TMEM132C: variants seen among roughly 807,000 people sequenced by gnomAD.
TMEM132C encodes transmembrane protein 132C, also known as protein phosphatase 1, regulatory subunit 152.
In TMEM132C, 29 loss-of-function variants were observed where a neutral mutation model predicts 61.4. That is an observed-to-expected ratio of 0.47 (90% CI 0.35 to 0.64). TMEM132C has a LOEUF of 0.64. Among genes scored for constraint, TMEM132C ranks in the 30% least tolerant of loss-of-function variants. The pLI, the probability that TMEM132C is intolerant of heterozygous loss-of-function variation, is 0.00. For missense variants in TMEM132C, 1,408 were observed against 1,476.9 expected (o/e 0.95, Z 0.76); for synonymous variants, 656 against 633.1 (o/e 1.04, Z -0.54).
chr12:128,677,568 A>G (rs1373337952), intron 5 of TMEM132C, among the ~76,000 whole-genome samples: 1 of 151,946 alleles, frequency 6.6e-6, no homozygotes, highest in South Asian at 2.1e-4. Context: ...ACCTGGCTGT[A>G]CCTCCTATTT....
At chr12:128,543,875 T>C in intron 2 of TMEM132C, 82 bp from the exon 3 acceptor site, 24 of 1,478,750 alleles carry the variant, frequency 1.6e-5, no homozygotes, top group Non-Finnish European at 2.2e-5. Flanking sequence ...AAACTAAAGG[T>C]GACAACTCTG....
Position 128,594,021 on chromosome 12 carries a change from C to T in TMEM132C, c.1122-22131C>T, listed in dbSNP as rs1426917019. Among the ~76,000 whole-genome samples the T allele has an allele frequency of 3.4e-5, 5 of 148,168 alleles. 1 individual carries two copies. The highest frequency in any genetic ancestry group is 1.0e-4 in the African/African-American group (4 of 39,900). On this transcript the variant is annotated intron_variant, in intron 3 of 8. Transcript: ENST00000435159. ...CCCAACATAAGACCTGCTCTCAATG[C>T]CGGCCCACCCACCGCCCCTCCCCCA...
chr12:128,479,987 G>T (rs1221374369), intron 2 of TMEM132C, among the ~76,000 whole-genome samples: 1 of 152,190 alleles, frequency 6.6e-6, no homozygotes, highest in Non-Finnish European at 1.5e-5. Flanking sequence ...CCCAGGCATG[G>T]TGGCTCATGC....
At chr12:128,510,401 G>T (rs982823476) in intron 2 of TMEM132C, among the ~76,000 whole-genome samples, 1 of 152,148 alleles carries the variant, frequency 6.6e-6, no homozygotes, top group Non-Finnish European at 1.5e-5. Flanking sequence ...TGCCAAGAGG[G>T]CAGATTTTCT....
intron 1 of TMEM132C, among the ~76,000 whole-genome samples, chr12:128,373,335 A>C (rs1874086274): frequency 1.3e-5 from 2 of 152,142 alleles, no homozygotes; most frequent in African/African-American, 2.4e-5. Flanking sequence ...ATATCCCCCT[A>C]ATTGTAATTG....
intron 2 of TMEM132C, among the ~76,000 whole-genome samples, chr12:128,536,591 C>T (rs1350235751): frequency 6.6e-6 from 1 of 152,018 alleles, no homozygotes; most frequent in Non-Finnish European, 1.5e-5. Context: ...GGGTTGGACT[C>T]CTAAGTTTGG....
At chr12:128,578,860 A>G (rs1036605817) in intron 3 of TMEM132C, among the ~76,000 whole-genome samples, 7 of 152,088 alleles carry the variant, frequency 4.6e-5, no homozygotes, top group African/African-American at 1.7e-4. Context: ...TTCCTCCCAA[A>G]GTGCTGGGAT....
At chr12:128,353,315 T>A (rs117785573) in intron 1 of TMEM132C, among the ~76,000 whole-genome samples, 1,563 of 152,278 alleles carry the variant, frequency 0.01, 15 homozygotes, top group Middle Eastern at 0.017. Context: ...AGACCAGAGA[T>A]GTGGTCGTGG....
intron 2 of TMEM132C, among the ~76,000 whole-genome samples, chr12:128,434,026 G>A (rs1001271774): frequency 6.6e-6 from 1 of 152,206 alleles, no homozygotes; most frequent in African/African-American, 2.4e-5. Context: ...TAGCAACACG[G>A]GCAGCAAGCC....
chr12:128,663,271 C>T (rs1954411915), intron 4 of TMEM132C, among the ~76,000 whole-genome samples: 1 of 152,216 alleles, frequency 6.6e-6, no homozygotes, highest in South Asian at 2.1e-4. Context: ...CAGCGCCTGA[C>T]CACCACTAAT....
intron 4 of TMEM132C, among the ~76,000 whole-genome samples, chr12:128,625,620 A>C (rs1954007988): frequency 6.6e-6 from 1 of 152,158 alleles, no homozygotes; most frequent in South Asian, 2.1e-4. Flanking sequence ...AAACCAACAG[A>C]TCTCCTGAGA....
intron 2 of TMEM132C, among the ~76,000 whole-genome samples, chr12:128,455,485 G>T (rs898984324): frequency 2.6e-5 from 4 of 152,192 alleles, no homozygotes; most frequent in African/African-American, 9.7e-5. Context: ...GCAGGATGGG[G>T]CTGAGCAGCC....
chr12:128,402,069 G>A (rs955832180), intron 1 of TMEM132C, among the ~76,000 whole-genome samples: 38 of 152,290 alleles, frequency 2.5e-4, no homozygotes, highest in African/African-American at 8.7e-4. Flanking sequence ...AGGGAGACAG[G>A]AAGTCAGGGG....
At chr12:128,601,286 C>T (rs1565987411) in intron 3 of TMEM132C, among the ~76,000 whole-genome samples, 2 of 152,178 alleles carry the variant, frequency 1.3e-5, no homozygotes, top group Non-Finnish European at 2.9e-5. Flanking sequence ...ACCAACCTGA[C>T]TTGTGGAAGG....
chr12:128,378,330 A>G (rs1251267034), intron 1 of TMEM132C, among the ~76,000 whole-genome samples: 5 of 151,924 alleles, frequency 3.3e-5, no homozygotes, highest in African/African-American at 1.2e-4. Context: ...GTTAGCCAGG[A>G]TGGTCTCGAT....
intron 8 of TMEM132C, among the ~76,000 whole-genome samples, chr12:128,698,021 C>T (rs536485535): frequency 1.2e-4 from 19 of 152,160 alleles, no homozygotes; most frequent in Admixed American, 5.9e-4. Context: ...GGTCTGAATC[C>T]GCCCCATTTC....
intron 1 of TMEM132C, among the ~76,000 whole-genome samples, chr12:128,378,604 G>A (rs576835453): frequency 4.6e-5 from 7 of 152,256 alleles, no homozygotes; most frequent in South Asian, 2.1e-4. Context: ...TTCTCCGCAC[G>A]TGAGCCTTGC....
At chr12:128,396,546 A>C (rs1431563316) in intron 1 of TMEM132C, among the ~76,000 whole-genome samples, 2 of 152,158 alleles carry the variant, frequency 1.3e-5, no homozygotes, top group Non-Finnish European at 2.9e-5. Flanking sequence ...CATTCTGCAC[A>C]TGTATCTCAG....
At chr12:128,456,456 G>C (rs1411028195) in intron 2 of TMEM132C, among the ~76,000 whole-genome samples, 3 of 114,036 alleles carry the variant, frequency 2.6e-5, no homozygotes, top group African/African-American at 6.7e-5. Flanking sequence ...ACCTAGGCTG[G>C]AGTTCAGTGG....
Sources: gnomAD v4.1 joint callset for allele counts (sites outside exome capture counted in the v4.1 genomes callset) on GRCh38, gnomAD v4.1.1 for gene constraint, MANE v1.5 for transcripts, NCBI Gene and HGNC (gene_info 2026-07-23, HGNC 2026-07-21) for gene names.